COL27A1: variants seen among roughly 807,000 people sequenced by gnomAD.
The protein encoded by COL27A1 is collagen type XXVII alpha 1 chain.
Under a neutral mutation model 251.3 loss-of-function variants are expected in COL27A1, and 106 were observed. That is an observed-to-expected ratio of 0.42 (90% CI 0.36 to 0.50). COL27A1 has a LOEUF of 0.50. Among genes scored for constraint, COL27A1 ranks in the 20% least tolerant of loss-of-function variants. The pLI, the probability that COL27A1 is intolerant of heterozygous loss-of-function variation, is 0.00. For synonymous variants in COL27A1, 1,000 were observed against 986.3 expected, an observed-to-expected ratio of 1.01 and a Z score of -0.26; for missense variants, 2,325 against 2,522.8, an observed-to-expected ratio of 0.92 and a Z score of 1.68.
At chr9:114,178,676 A>G (rs971131774) in intron 4 of COL27A1, among the ~76,000 whole-genome samples, 2 of 151,998 alleles carry the variant, frequency 1.3e-5, no homozygotes, top group Admixed American at 1.3e-4. Context: ...TGCCTTGGGG[A>G]ATATATGACC....
chr9:114,211,185 T>C (rs533767256), intron 12 of COL27A1, among the ~76,000 whole-genome samples, 159 bp downstream of exon 12: 16 of 152,372 alleles, frequency 1.1e-4, no homozygotes, highest in South Asian at 1.0e-3. Flanking sequence ...GACCTGCTGC[T>C]GGCACACGGC....
Position 114,168,090 on chromosome 9 carries a change from G to C in COL27A1, c.535G>C (p.Val179Leu). The C allele has an allele frequency of 6.2e-7, 1 of 1,611,390 alleles. No individual in the cohort carries two copies. The highest frequency in any genetic ancestry group is 1.6e-4 in the Middle Eastern group (1 of 6,062). Residue 179 changes from valine (V) to leucine (L), a missense_variant, in exon 3 of 61, where the codon GTG becomes CTG. This residue lies in a region of COL27A1 where 1,183 missense variants were observed against 1,144.1 expected (regional missense o/e 1.03). Coordinates refer to ENST00000356083, the MANE Select transcript of COL27A1 (RefSeq NM_032888.4). ...TLVTACGQRRVPVLLPFHRDP... is the reference protein window; with the variant it reads ...TLVTACGQRRLPVLLPFHRDP... ...GGTGACTGCCTGCGGGCAGCGCCGG[G>C]TGCCTGTCCTGCTGCCTTTCCACAG...
chr9:114,247,957 T>A (rs182900023), intron 24 of COL27A1, among the ~76,000 whole-genome samples: 126 of 152,312 alleles, frequency 8.3e-4, no homozygotes, highest in African/African-American at 2.8e-3. Flanking sequence ...CATTTATTAG[T>A]CACCTGTTAG....
intron 2 of COL27A1, among the ~76,000 whole-genome samples, chr9:114,166,024 C>T (rs904172600): frequency 2.8e-5 from 4 of 145,438 alleles, no homozygotes; most frequent in Admixed American, 1.4e-4. Context: ...CATCCATCCA[C>T]CAATTCATCT....
At chr9:114,175,297 T>C (rs927807361) in intron 3 of COL27A1, among the ~76,000 whole-genome samples, 1 of 152,166 alleles carries the variant, frequency 6.6e-6, no homozygotes, top group African/African-American at 2.4e-5. Context: ...CAACGCAAAG[T>C]GGAAAATCCC....
intron 21 of COL27A1, 139 bp from the exon 22 acceptor site, chr9:114,242,035 GGGGCCAGGCAGGT>G: frequency 1.8e-6 from 1 of 568,096 alleles, no homozygotes; most frequent in Non-Finnish European, 3.0e-6. Flanking sequence ...TGCCCTGGGT[GGGGCCAGGCAGGT>G]GGGCCAGGCG....
At chr9:114,215,839 C>T (rs1333524857) in intron 12 of COL27A1, among the ~76,000 whole-genome samples, 1 of 152,168 alleles carries the variant, frequency 6.6e-6, no homozygotes, top group East Asian at 1.9e-4. Flanking sequence ...GCATTAGAAA[C>T]ATCTCACCGT....
chr9:114,301,099 G>C lies in COL27A1; in HGVS notation c.4729G>C (p.Gly1577Arg), dbSNP rs1248510232. ...AAAGGAAGGCATCGTCGGGCCCCTC[G>C]GAATCCTGGGACCTTCGGGACTCCC... is the stretch of plus-strand genomic sequence containing the variant. ...MGKEGIVGPLGILGPSGLPGP... is the reference protein window; with the variant it reads ...MGKEGIVGPLRILGPSGLPGP... Residue 1577 changes from glycine to arginine, a missense_variant, in exon 52 of 61, where the codon GGA becomes CGA. Physicochemically the swap from Gly to Arg is moderately radical, Grantham distance 125. This residue lies in a region of COL27A1 where 327 missense variants were observed against 442.8 expected (regional missense o/e 0.74). Transcript: ENST00000356083. 6.2e-7 allele frequency: 1 copy of C among 1,613,238 alleles called. No individual in the cohort carries two copies. Among genetic ancestry groups the C allele is most frequent in the Non-Finnish European group, 8.5e-7 (1 of 1,179,566 alleles).
chr9:114,252,052 G>A (rs1261004956), intron 25 of COL27A1, among the ~76,000 whole-genome samples: 6 of 152,306 alleles, frequency 3.9e-5, no homozygotes, highest in Non-Finnish European at 8.8e-5. Context: ...GCCAAGATTC[G>A]AACCCAGAGC....
At chr9:114,161,744 A>G (rs1456957569) in intron 1 of COL27A1, among the ~76,000 whole-genome samples, 1 of 152,212 alleles carries the variant, frequency 6.6e-6, no homozygotes, top group Non-Finnish European at 1.5e-5. Context: ...CAGATACCCC[A>G]GGTGGCTTCG....
intron 32 of COL27A1, 139 bp downstream of exon 32, chr9:114,265,614 G>C (rs1834688027): frequency 1.3e-6 from 1 of 786,604 alleles, no homozygotes; most frequent in Non-Finnish European, 2.0e-6. Context: ...CTTGGGGTTG[G>C]TGGCGAGCAC....
intron 23 of COL27A1, 104 bp from the exon 24 acceptor site, chr9:114,245,751 GATCCCTGGTTC>G: frequency 1.0e-6 from 1 of 956,566 alleles, no homozygotes; most frequent in Non-Finnish European, 1.7e-6. Context: ...CTGGAGATAA[GATCCCTGGTTC>G]ATCCCCACTA....
chr9:114,293,988 C>A (rs1185965683), intron 49 of COL27A1, among the ~76,000 whole-genome samples: 5 of 151,516 alleles, frequency 3.3e-5, no homozygotes, highest in Non-Finnish European at 7.4e-5. Flanking sequence ...CCTGTAATCC[C>A]AACACTTTGG....
intron 17 of COL27A1, among the ~76,000 whole-genome samples, chr9:114,235,871 C>T (rs1279537162): frequency 6.6e-6 from 1 of 152,092 alleles, no homozygotes; most frequent in Non-Finnish European, 1.5e-5. Context: ...CAGCCTCTTG[C>T]TTTCTCTCTT....
At chr9:114,289,103 C>T in intron 44 of COL27A1, 136 bp downstream of exon 44, 1 of 1,378,752 alleles carries the variant, frequency 7.3e-7, no homozygotes, top group South Asian at 1.3e-5. Flanking sequence ...TTCTGTTTCT[C>T]CTGCCCTGAC....
chr9:114,182,208 A>AAAT lies in COL27A1; in HGVS notation c.1963-811_1963-809dup, dbSNP rs372163249. Among the ~76,000 whole-genome samples the AAAT allele has an allele frequency of 2.1e-3, 302 of 142,626 alleles. 2 individuals are homozygous for AAAT. Among genetic ancestry groups the AAAT allele is most frequent in the Middle Eastern group, 3.6e-3 (1 of 280 alleles). The allele number at this position is 142,626 out of a possible 152,430, so 93.6% of individuals were successfully genotyped here. Reference sequence around the variant, plus strand: ...TAATAATAAAATAATAAAAATAATAAAATAAAAATAATAATAAAATAATAA... The same window carrying AAAT: ...TAATAATAAAATAATAAAAATAATAAAATAATAAAAATAATAATAAAATAATAA... On this transcript the variant is annotated intron_variant, in intron 4 of 60. Coordinates refer to ENST00000356083, the MANE Select transcript of COL27A1 (RefSeq NM_032888.4).
intron 27 of COL27A1, among the ~76,000 whole-genome samples, chr9:114,256,122 C>A (rs1833903364): frequency 6.6e-6 from 1 of 152,222 alleles, no homozygotes; most frequent in Admixed American, 6.5e-5. Flanking sequence ...ATTGTTCACA[C>A]CTGATTGGCA....
chr9:114,288,450 C>A lies in COL27A1; in HGVS notation c.3988-5C>A. 1 of 1,609,794 alleles carries A rather than the reference C, an allele frequency of 6.2e-7. No homozygotes were observed. The highest frequency in any genetic ancestry group is 8.5e-7 in the Non-Finnish European group (1 of 1,178,804). On this transcript the variant is annotated splice_polypyrimidine_tract_variant and splice_region_variant and intron_variant, in intron 41 of 60. Coordinates refer to ENST00000356083, the MANE Select transcript of COL27A1 (RefSeq NM_032888.4). ...TTTGCCCTAAAGCTGGTTCTGTGTC[C>A]ACAGGGGGAGCAGGGCGAGGACGGC...
intron 4 of COL27A1, among the ~76,000 whole-genome samples, chr9:114,179,832 CTTTTTTTTTTTTT>C (rs139712391): frequency 7.0e-5 from 7 of 100,188 alleles, no homozygotes; most frequent in African/African-American, 7.3e-5. Context: ...AGCCTACCAT[CTTTTTTTTTTTTT>C]TTTTTTTTTT....
Sources: gnomAD v4.1 joint callset for allele counts (sites outside exome capture counted in the v4.1 genomes callset) on GRCh38, gnomAD v4.1.1 for gene constraint, gnomAD v4.1.1 regional missense constraint, MANE v1.5 for transcripts, NCBI Gene and HGNC (gene_info 2026-07-23, HGNC 2026-07-21) for gene names.